MEIS2: variants seen among roughly 807,000 people sequenced by gnomAD.
MEIS2 encodes Meis homeobox 2.
MEIS2 carries 9 observed loss-of-function variants against 58.6 expected under a neutral mutation model. The observed-to-expected ratio is 0.15, with a 90% CI of 0.09 to 0.27. The LOEUF is 0.27. Among genes scored for constraint, MEIS2 ranks in the 10% least tolerant of loss-of-function variants. MEIS2 has a pLI of 1.00. For missense variants in MEIS2, 427 were observed against 635.0 expected, an observed-to-expected ratio of 0.67 and a Z score of 3.52; for synonymous variants, 221 against 228.4, an observed-to-expected ratio of 0.97 and a Z score of 0.29.
chr15:37,079,507 C>A (rs1336972954), intron 7 of MEIS2, among the ~76,000 whole-genome samples: 101 of 149,852 alleles, frequency 6.7e-4, no homozygotes, highest in Non-Finnish European at 1.3e-4. Context: ...GAAGCCCCCT[C>A]CTCCTCTTTA....
chr15:37,098,396 GA>G, intron 1 of MEIS2, 197 bp from the exon 2 acceptor site: 1 of 1,180,950 alleles, frequency 8.5e-7, no homozygotes, highest in Non-Finnish European at 1.1e-6. Flanking sequence ...GAGAGAGAGA[GA>G]GAGAGAGAGA....
At chr15:37,063,041 C>T (rs1003622650) in intron 7 of MEIS2, among the ~76,000 whole-genome samples, 1 of 152,174 alleles carries the variant, frequency 6.6e-6, no homozygotes, top group African/African-American at 2.4e-5. Flanking sequence ...TAGAAAAGAG[C>T]TGATCTCCGT....
chr15:36,965,388 T>C lies in MEIS2; in HGVS notation c.901-14988A>G, dbSNP rs559163923. 6.6e-5 allele frequency among the ~76,000 whole-genome samples: 10 copies of C among 152,322 alleles called. 1 individual carries two copies. In the South Asian group the frequency reaches 2.1e-3, roughly 32 times the overall value. On this transcript the variant is annotated intron_variant, in intron 8 of 11. Transcript: ENST00000561208. ...AGGTCTACAGTTGCCATCAAAACAA[T>C]GCAAGGCAATGAATTTCTAAGGTAT...
At chr15:36,899,315 T>G (rs1365206379) in intron 9 of MEIS2, among the ~76,000 whole-genome samples, 4 of 152,146 alleles carry the variant, frequency 2.6e-5, no homozygotes, top group African/African-American at 9.6e-5. Flanking sequence ...AAATTAACAA[T>G]TAATGAGCTG....
At chr15:36,989,090 A>G (rs532639379) in intron 8 of MEIS2, among the ~76,000 whole-genome samples, 16 of 152,254 alleles carry the variant, frequency 1.1e-4, no homozygotes, top group African/African-American at 3.8e-4. Context: ...CCACCATTAA[A>G]ATAATATTTC....
chr15:37,019,619 CA>C (rs1263363555), intron 8 of MEIS2, among the ~76,000 whole-genome samples: 2 of 152,108 alleles, frequency 1.3e-5, no homozygotes, highest in Admixed American at 1.3e-4. Context: ...AAAGAGAAAG[CA>C]AAATATCTGG....
At chr15:37,001,434 T>G (rs1483741062) in intron 8 of MEIS2, among the ~76,000 whole-genome samples, 1 of 152,182 alleles carries the variant, frequency 6.6e-6, no homozygotes, top group African/African-American at 2.4e-5. Context: ...TCTCATTTTC[T>G]CATAAACCTA....
intron 8 of MEIS2, among the ~76,000 whole-genome samples, chr15:37,033,229 T>C (rs1047283359): frequency 6.6e-6 from 1 of 152,120 alleles, no homozygotes; most frequent in African/African-American, 2.4e-5. Context: ...TGTGGCTTAT[T>C]GGGAAAAGTT....
chr15:36,973,962 A>G (rs2059655788), intron 8 of MEIS2, among the ~76,000 whole-genome samples: 1 of 152,196 alleles, frequency 6.6e-6, no homozygotes, highest in Non-Finnish European at 1.5e-5. Context: ...CACTTAATTC[A>G]GCAATATTTC....
In MEIS2 at chr15:36,918,997, C is replaced by T. The variant is rs551430803; in HGVS notation, c.978-22311G>A. Among the ~76,000 whole-genome samples the T allele has an allele frequency of 2.0e-5, 3 of 152,156 alleles. No individual in the cohort carries two copies. In the East Asian group the frequency reaches 5.8e-4, roughly 29 times the overall value. ...TTTAGGCCAGGCACATTGGCTCATG[C>T]CTGTAATTCCACCACTTTGGGAGGC... On this transcript the variant is annotated intron_variant, in intron 9 of 11. Transcript: ENST00000561208.
chr15:37,099,885 G>T lies in MEIS2; in HGVS notation c.-419C>A. On this transcript the variant is annotated 5_prime_UTR_variant, in exon 1 of 12. Transcript: ENST00000561208. ...CCGAACTGAAGGTTACGAGCGGCCCGTCAGCAGCCCACATGTAACCGAACT... is the reference window on the plus strand; with the variant it reads ...CCGAACTGAAGGTTACGAGCGGCCCTTCAGCAGCCCACATGTAACCGAACT... 5.7e-6 allele frequency: 1 copy of T among 175,942 alleles called. No homozygotes were observed. Among genetic ancestry groups the T allele is most frequent in the East Asian group, 1.5e-4 (1 of 6,504 alleles). The allele number at this position is 175,942 out of a possible 1,614,324, so 10.9% of individuals were successfully genotyped here. A position where few individuals can be genotyped will look rare whatever the true frequency, so the allele number is the denominator to read the frequency against.
intron 7 of MEIS2, among the ~76,000 whole-genome samples, chr15:37,075,110 G>A (rs891792714): frequency 6.6e-6 from 1 of 151,820 alleles, no homozygotes; most frequent in Admixed American, 6.6e-5. Context: ...ACACTTATTA[G>A]CAAAATGGAT....
intron 8 of MEIS2, among the ~76,000 whole-genome samples, chr15:37,003,701 C>T (rs1161980165): frequency 6.6e-6 from 1 of 152,114 alleles, no homozygotes; most frequent in Non-Finnish European, 1.5e-5. Context: ...CTGTCTTTCC[C>T]AAATTCATAT....
At chr15:37,078,695 G>C (rs1891789543) in intron 7 of MEIS2, among the ~76,000 whole-genome samples, 1 of 148,468 alleles carries the variant, frequency 6.7e-6, no homozygotes, top group Non-Finnish European at 1.5e-5. Context: ...GTAGTTCACT[G>C]TGTAAAAATT....
intron 7 of MEIS2, among the ~76,000 whole-genome samples, chr15:37,066,080 G>A (rs1889884719): frequency 6.6e-6 from 1 of 152,110 alleles, no homozygotes; most frequent in South Asian, 2.1e-4. Flanking sequence ...CTTTAGAATT[G>A]CCAATTTAAT....
chr15:37,053,236 T>TA (rs2063001754), intron 7 of MEIS2, among the ~76,000 whole-genome samples: 1 of 152,224 alleles, frequency 6.6e-6, no homozygotes, highest in African/African-American at 2.4e-5. Flanking sequence ...AATATGCTGA[T>TA]ACAGCAAATT....
intron 9 of MEIS2, among the ~76,000 whole-genome samples, chr15:36,929,084 G>T (rs1189686845): frequency 1.3e-5 from 2 of 152,184 alleles, no homozygotes; most frequent in Non-Finnish European, 2.9e-5. Flanking sequence ...GAAACTCCAT[G>T]AGGGCAGGGT....
intron 7 of MEIS2, among the ~76,000 whole-genome samples, chr15:37,070,592 C>T (rs1032655068): frequency 2.0e-5 from 3 of 152,122 alleles, no homozygotes; most frequent in Non-Finnish European, 4.4e-5. Context: ...TATTTAACCA[C>T]AAAGTTCTTT....
chr15:36,919,968 C>T (rs2057432935), intron 9 of MEIS2, among the ~76,000 whole-genome samples: 1 of 152,092 alleles, frequency 6.6e-6, no homozygotes. Flanking sequence ...GAACAACATA[C>T]CCTTCTAGTT....
Sources: gnomAD v4.1 joint callset for allele counts (sites outside exome capture counted in the v4.1 genomes callset) on GRCh38, gnomAD v4.1.1 for gene constraint, MANE v1.5 for transcripts, NCBI Gene and HGNC (gene_info 2026-07-23, HGNC 2026-07-21) for gene names.